Variants in NT5DC1 observed in about 807,000 individuals in gnomAD.
NT5DC1 encodes the protein 5'-nucleotidase domain containing 1, also known as 5'-nucleotidase domain-containing protein 1.
NT5DC1 carries 42 observed loss-of-function variants against 59.4 expected under a neutral mutation model. That is an observed-to-expected ratio of 0.71 (90% CI 0.55 to 0.92). The LOEUF is 0.92. Ranked by LOEUF, NT5DC1 falls within the 40% of genes least tolerant of loss-of-function variation. The pLI is 0.00. For synonymous variants in NT5DC1, 172 were observed against 188.1 expected (o/e 0.91, Z 0.70); for missense variants, 501 against 537.1 (o/e 0.93, Z 0.66).
At chr6:116,148,496 A>G (rs1779952309) in intron 6 of NT5DC1, among the ~76,000 whole-genome samples, 1 of 152,176 alleles carries the variant, frequency 6.6e-6, no homozygotes, top group African/African-American at 2.4e-5. Flanking sequence ...GTACTACCCA[A>G]TCTTGCAGTG....
At chr6:116,120,153 G>A in intron 6 of NT5DC1, 1 of 1,614,126 alleles carries the variant, frequency 6.2e-7, no homozygotes, top group South Asian at 1.1e-5. Flanking sequence ...TCGGCATTGG[G>A]AAGCTGGAGC....
At position 116,114,536 on chromosome 6, in the gene NT5DC1, AGG is replaced by A. The variant is rs1229150345; in HGVS notation, c.365-1147_365-1146del. On this transcript the variant is annotated intron_variant, in intron 4 of 11. Coordinates refer to ENST00000319550, the MANE Select transcript of NT5DC1 (RefSeq NM_152729.3). ...TATACATAGCTTGCAAATTGGGGGG[AGG>A]GGGGGGGAGTCAAAATCAGGTGATT... Among the ~76,000 whole-genome samples, 110 of 20,280 alleles carry A rather than the reference AGG, an allele frequency of 5.4e-3. 2 individuals carry two copies. The highest frequency in any genetic ancestry group is 9.6e-3 in the Admixed American group (16 of 1,670). The allele number at this position is 20,280 out of a possible 152,430, so 13.3% of individuals were successfully genotyped here.
intron 4 of NT5DC1, among the ~76,000 whole-genome samples, chr6:116,111,481 A>G (rs541367200): frequency 1.3e-5 from 2 of 152,230 alleles, no homozygotes; most frequent in African/African-American, 2.4e-5. Flanking sequence ...ATTTTTCAGA[A>G]ATGATTTATA....
At position 116,139,997 on chromosome 6, in the gene NT5DC1, A is replaced by G. The variant is rs534747257; in HGVS notation, c.529+22052A>G. Among the ~76,000 whole-genome samples, 13 of 152,304 alleles carry G rather than the reference A, an allele frequency of 8.5e-5. No individual in the cohort carries two copies. The East Asian group carries it at 2.5e-3, about 29-fold the overall frequency. ...GTGTTTTGCTTTTCTTATTTGATCC[A>G]GAAGAGACTTACGTGATAGATATTA... On this transcript the variant is annotated intron_variant, in intron 6 of 11. Coordinates refer to ENST00000319550, the MANE Select transcript of NT5DC1 (RefSeq NM_152729.3).
intron 6 of NT5DC1, among the ~76,000 whole-genome samples, chr6:116,199,523 A>T (rs1040415495): frequency 6.6e-6 from 1 of 152,096 alleles, no homozygotes; most frequent in African/African-American, 2.4e-5. Context: ...CAAAGAAGTC[A>T]CCTAGCACTC....
chr6:116,114,538 G>A (rs201974215), intron 4 of NT5DC1, among the ~76,000 whole-genome samples: 8,609 of 140,390 alleles, frequency 0.061, 567 homozygotes, highest in African/African-American at 0.091. Flanking sequence ...TTGGGGGGAG[G>A]GGGGGGGAGT....
intron 6 of NT5DC1, among the ~76,000 whole-genome samples, chr6:116,142,990 T>C (rs1475615518): frequency 6.6e-6 from 1 of 152,228 alleles, no homozygotes; most frequent in East Asian, 1.9e-4. Flanking sequence ...GATAAAATTA[T>C]AGACATTATG....
chr6:116,135,834 G>C (rs1286538369), intron 6 of NT5DC1, among the ~76,000 whole-genome samples: 1 of 102,352 alleles, frequency 9.8e-6, no homozygotes. Flanking sequence ...TATATTTTCA[G>C]ATATATATAT....
intron 6 of NT5DC1, chr6:116,121,898 T>C (rs1165575462): frequency 1.2e-6 from 2 of 1,613,872 alleles, no homozygotes; most frequent in Admixed American, 3.3e-5. Context: ...AGGACCTGGG[T>C]GCCCTCGAGG....
intron 6 of NT5DC1, among the ~76,000 whole-genome samples, chr6:116,161,433 T>G (rs1780328070): frequency 6.6e-6 from 1 of 151,670 alleles, no homozygotes; most frequent in South Asian, 2.1e-4. Context: ...GAAATAGGGG[T>G]CCAGTTTTAT....
At chr6:116,136,486 AAATG>A (rs927699703) in intron 6 of NT5DC1, among the ~76,000 whole-genome samples, 6 of 152,142 alleles carry the variant, frequency 3.9e-5, no homozygotes, top group African/African-American at 1.4e-4. Context: ...TAAAAGAAGA[AAATG>A]AAGCTTATTA....
chr6:116,180,749 A>G (rs919273401), intron 6 of NT5DC1, among the ~76,000 whole-genome samples: 1 of 152,084 alleles, frequency 6.6e-6, no homozygotes, highest in African/African-American at 2.4e-5. Flanking sequence ...GGAAAGTGCT[A>G]TGGGGGAAAT....
rs1048021289 is a variant in NT5DC1 at position 116,108,305 on chromosome 6, T to C, written c.186-59T>C. On this transcript the variant is annotated intron_variant, in intron 2 of 11. Transcript: ENST00000319550. ...TATGATGTTTGGAAAATATAGGTTG[T>C]TATTTCTTAGGTTAGCTAAATATAG... 4.7e-6 allele frequency: 5 copies of C among 1,055,464 alleles called. No homozygotes were observed. In the African/African-American group the frequency reaches 7.8e-5, roughly 16 times the overall value. The allele number at this position is 1,055,464 out of a possible 1,614,324, so 65.4% of individuals were successfully genotyped here.
At position 116,133,448 on chromosome 6, in the gene NT5DC1, C is replaced by T. The variant is rs779799373; in HGVS notation, c.529+15503C>T. Reference sequence around the variant, plus strand: ...TCGTACTTGAGAACAACTCCACAGTCACCATCTATAGTGTACAAAGTAAAG... The same window carrying T: ...TCGTACTTGAGAACAACTCCACAGTTACCATCTATAGTGTACAAAGTAAAG... On this transcript the variant is annotated intron_variant, in intron 6 of 11. Transcript: ENST00000319550. Among the ~76,000 whole-genome samples the T allele has an allele frequency of 5.3e-5, 8 of 152,176 alleles. No individual in the cohort carries two copies. The South Asian group carries it at 1.7e-3, about 31-fold the overall frequency.
At chr6:116,121,503 G>A in intron 6 of NT5DC1, 1 of 1,614,152 alleles carries the variant, frequency 6.2e-7, no homozygotes, top group Non-Finnish European at 8.5e-7. Flanking sequence ...TGAGGGCCTG[G>A]AAGACCCCTC....
At chr6:116,122,723 T>G (rs1582815538) in intron 6 of NT5DC1, among the ~76,000 whole-genome samples, 1 of 152,216 alleles carries the variant, frequency 6.6e-6, no homozygotes, top group Admixed American at 6.5e-5. Flanking sequence ...GGTACAGATG[T>G]TTCTGAGATT....
In NT5DC1 at chr6:116,167,108, A is replaced by G. The variant is rs1486197233; in HGVS notation, c.529+49163A>G. Among the ~76,000 whole-genome samples the G allele has an allele frequency of 7.2e-5, 11 of 151,976 alleles. 1 individual carries two copies. In the South Asian group the frequency reaches 2.3e-3, roughly 32 times the overall value. On this transcript the variant is annotated intron_variant, in intron 6 of 11. Coordinates refer to ENST00000319550, the MANE Select transcript of NT5DC1 (RefSeq NM_152729.3). The stretch of plus-strand genomic sequence containing the variant: ...TGTGATATCCGTAGAATTATCTTTT[A>G]TCACTGATGATTTGTATATGTTCAA...
intron 8 of NT5DC1, among the ~76,000 whole-genome samples, chr6:116,231,966 G>A (rs1207579861): frequency 2.0e-5 from 3 of 152,166 alleles, no homozygotes; most frequent in Non-Finnish European, 4.4e-5. Context: ...CCACAAACTA[G>A]ATAGCTTGAA....
chr6:116,208,720 T>C (rs895355007), intron 6 of NT5DC1, among the ~76,000 whole-genome samples: 2 of 152,034 alleles, frequency 1.3e-5, no homozygotes, highest in African/African-American at 4.8e-5. Context: ...GACCCTGCGA[T>C]TGCTCTTTTA....
Sources: gnomAD v4.1 joint callset for allele counts (sites outside exome capture counted in the v4.1 genomes callset) on GRCh38, gnomAD v4.1.1 for gene constraint, MANE v1.5 for transcripts, NCBI Gene and HGNC (gene_info 2026-07-23, HGNC 2026-07-21) for gene names.